MYO18B: variants seen among roughly 807,000 people sequenced by gnomAD.
MYO18B encodes myosin XVIIIB, also known as unconventional myosin-XVIIIb.
MYO18B carries 204 observed loss-of-function variants against 273.0 expected under a neutral mutation model. The observed-to-expected ratio is 0.75, with a 90% confidence interval of 0.67 to 0.84. The LOEUF (loss-of-function observed/expected upper bound fraction) is 0.84. MYO18B is among the 40% of genes least tolerant of loss of function. MYO18B has a pLI of 0.00. For synonymous variants in MYO18B, 1,330 were observed against 1,305.7 expected (o/e 1.02, Z -0.40); for missense variants, 3,212 against 3,287.6 (o/e 0.98, Z 0.56).
chr22:25,921,526 G>T, intron 34 of MYO18B, 117 bp downstream of exon 34: 1 of 1,280,064 alleles, frequency 7.8e-7, no homozygotes, highest in Non-Finnish European at 1.1e-6. Context: ...AACTTTCACA[G>T]ATGTGCAGGG....
At chr22:25,782,325 C>T (rs139166647) in intron 10 of MYO18B, among the ~76,000 whole-genome samples, 45 of 152,318 alleles carry the variant, frequency 3.0e-4, no homozygotes, top group Middle Eastern at 3.4e-3. Flanking sequence ...ACAGCAGACC[C>T]CCATGTCTTC....
chr22:25,983,558 T>G (rs1055122076), intron 39 of MYO18B: 11 of 152,336 alleles, frequency 7.2e-5, no homozygotes, highest in Non-Finnish European at 1.5e-4. Flanking sequence ...GGCCAGTCAT[T>G]GCCTGTTCAC....
In MYO18B at chr22:26,024,936, T is replaced by C. The variant is rs141583917; in HGVS notation, c.6471-1509T>C. ...AAGATCAAGGTGCTGGCAGTTACATTTGTTGTCTGATTCATAGATTGCCAT... is the reference window on the plus strand; with the variant it reads ...AAGATCAAGGTGCTGGCAGTTACATCTGTTGTCTGATTCATAGATTGCCAT... On this transcript the variant is annotated intron_variant, in intron 42 of 43. Transcript: ENST00000335473. 2.2e-3 allele frequency among the ~76,000 whole-genome samples: 334 copies of C among 152,280 alleles called. 4 individuals carry two copies. The East Asian group carries it at 0.05, about 23-fold the overall frequency.
intron 41 of MYO18B, among the ~76,000 whole-genome samples, chr22:26,004,008 G>A (rs528567677): frequency 5.9e-5 from 4 of 67,982 alleles, no homozygotes; most frequent in Non-Finnish European, 1.2e-4. Context: ...GGGGTCTTGA[G>A]GGACAGGGTC....
chr22:25,938,618 G>A (rs889360028), intron 34 of MYO18B, among the ~76,000 whole-genome samples: 7 of 152,200 alleles, frequency 4.6e-5, no homozygotes, highest in African/African-American at 1.2e-4. Flanking sequence ...CACGCAGTGC[G>A]TAATGTAGTG....
intron 19 of MYO18B, among the ~76,000 whole-genome samples, chr22:25,847,163 A>G (rs2146020805): frequency 6.6e-6 from 1 of 152,122 alleles, no homozygotes; most frequent in African/African-American, 2.4e-5. Flanking sequence ...CCGAGTCCTG[A>G]GTTCTAGTCC....
intron 31 of MYO18B, among the ~76,000 whole-genome samples, chr22:25,907,414 C>T (rs1420828695): frequency 6.6e-6 from 1 of 152,138 alleles, no homozygotes; most frequent in Non-Finnish European, 1.5e-5. Context: ...GTCAGGTTGC[C>T]AGGGAGGGAG....
At chr22:25,921,696 T>G (rs1314318866) in intron 34 of MYO18B, among the ~76,000 whole-genome samples, 1 of 148,822 alleles carries the variant, frequency 6.7e-6, no homozygotes, top group Non-Finnish European at 1.5e-5. Context: ...GAGTGCAGTG[T>G]GCCTGTTGTG....
intron 32 of MYO18B, among the ~76,000 whole-genome samples, chr22:25,908,918 A>G (rs1351956373): frequency 6.6e-6 from 1 of 152,228 alleles, no homozygotes; most frequent in Admixed American, 6.5e-5. Context: ...CTCTCTGTAC[A>G]CACATGCAGA....
chr22:25,758,734 G>A (rs1255542477), intron 1 of MYO18B, among the ~76,000 whole-genome samples: 1 of 151,892 alleles, frequency 6.6e-6, no homozygotes, highest in Non-Finnish European at 1.5e-5. Flanking sequence ...GGCATGAAAA[G>A]AAGAGTTTTT....
rs117042172 is a variant in MYO18B at position 25,880,193 on chromosome 22, G to C, written c.4314+2145G>C. On this transcript the variant is annotated intron_variant, in intron 25 of 43. Transcript: ENST00000335473. ...GAGGCACTTGACTAGGGAATAAAAT[G>C]TAAGGGGTCACCAAAACACTCAGCA... Among the ~76,000 whole-genome samples the C allele has an allele frequency of 2.8e-3, 431 of 152,238 alleles. 12 individuals carry two copies. The East Asian group carries it at 0.062, about 22-fold the overall frequency.
At chr22:25,854,401 C>G (rs1254141884) in intron 21 of MYO18B, among the ~76,000 whole-genome samples, 1 of 152,110 alleles carries the variant, frequency 6.6e-6, no homozygotes, top group Non-Finnish European at 1.5e-5. Flanking sequence ...CATTTCACAG[C>G]GTAGGCAGCT....
Position 25,768,355 on chromosome 22 carries a change from G to A in MYO18B, c.439G>A (p.Gly147Ser), listed in dbSNP as rs2086581828. ...PTKKTVPFKRGVRRGDVLLMV... is the reference protein window; with the variant it reads ...PTKKTVPFKRSVRRGDVLLMV... ...CAAAAAGACTGTCCCCTTCAAGAGG[G>A]GCGTGAGGAGGGGTGATGTGTTGTT... Residue 147 changes from glycine (G) to serine (S), a missense_variant, in exon 4 of 44, where the codon GGC (glycine) becomes AGC (serine). By Grantham distance (56) the Gly-to-Ser change is moderately conservative. Coordinates refer to ENST00000335473, the MANE Select transcript of MYO18B (RefSeq NM_032608.7). 1.9e-6 allele frequency: 3 copies of A among 1,613,724 alleles called. No individual in the cohort carries two copies. The highest frequency in any genetic ancestry group is 2.5e-6 in the Non-Finnish European group (3 of 1,179,840).
chr22:25,802,258 C>T (rs182027617), intron 12 of MYO18B, among the ~76,000 whole-genome samples: 32 of 152,264 alleles, frequency 2.1e-4, no homozygotes, highest in African/African-American at 7.0e-4. Flanking sequence ...AGGAACAGGG[C>T]AAGGGATGGG....
intron 42 of MYO18B, among the ~76,000 whole-genome samples, chr22:26,021,173 T>C (rs956776720): frequency 1.3e-5 from 2 of 152,212 alleles, no homozygotes; most frequent in South Asian, 4.1e-4. Flanking sequence ...CTGAAGCTCT[T>C]TTTTTGCTTT....
At chr22:25,973,906 G>A (rs2093061798) in intron 39 of MYO18B, among the ~76,000 whole-genome samples, 1 of 152,092 alleles carries the variant, frequency 6.6e-6, no homozygotes, top group African/African-American at 2.4e-5. Context: ...TGTTTCTGGG[G>A]CAACAAATAG....
At chr22:25,811,106 C>T (rs1280352261) in intron 12 of MYO18B, among the ~76,000 whole-genome samples, 4 of 150,144 alleles carry the variant, frequency 2.7e-5, no homozygotes, top group East Asian at 4.0e-4. Flanking sequence ...CTCTGCCTCC[C>T]GGGTTCAAGG....
At chr22:25,939,618 C>T (rs1187217834) in intron 34 of MYO18B, among the ~76,000 whole-genome samples, 2 of 152,186 alleles carry the variant, frequency 1.3e-5, no homozygotes, top group East Asian at 1.9e-4. Flanking sequence ...GCAGGATCTG[C>T]ACCATCAAAG....
At chr22:25,792,487 T>TC (rs2087710162) in intron 11 of MYO18B, among the ~76,000 whole-genome samples, 2 of 70,568 alleles carry the variant, frequency 2.8e-5, no homozygotes, top group African/African-American at 8.3e-5. Flanking sequence ...GTTTCTTTTT[T>TC]TTTTCTTTTC....
Sources: allele counts gnomAD v4.1 joint callset (sites outside exome capture counted in the v4.1 genomes callset), GRCh38; gene constraint gnomAD v4.1.1; transcripts MANE v1.5; gene names NCBI Gene and HGNC (gene_info 2026-07-23, HGNC 2026-07-21).